ANKS1B: variants seen among roughly 807,000 people sequenced by gnomAD.
ANKS1B encodes the protein ankyrin repeat and sterile alpha motif domain-containing protein 1B.
ANKS1B carries 36 observed loss-of-function variants against 148.3 expected under a neutral mutation model. The observed-to-expected ratio is 0.24, with a 90% CI of 0.19 to 0.32. The LOEUF (loss-of-function observed/expected upper bound fraction) is 0.32. Among genes scored for constraint, ANKS1B ranks in the 10% least tolerant of loss-of-function variants. The pLI, the probability that ANKS1B is intolerant of heterozygous loss-of-function variation, is 1.00. For missense variants in ANKS1B, 1,157 were observed against 1,542.6 expected (o/e 0.75, Z 4.19); for synonymous variants, 542 against 560.8 (o/e 0.97, Z 0.47).
At chr12:99,931,197 C>T (rs7132513) in intron 1 of ANKS1B, among the ~76,000 whole-genome samples, 32,644 of 151,504 alleles carry the variant, frequency 0.22, 3,769 homozygotes, top group African/African-American at 0.25. Context: ...GTTGTGGGGT[C>T]GGGGGAGAGG....
At chr12:99,795,671 C>CT (rs1254341356) in intron 4 of ANKS1B, among the ~76,000 whole-genome samples, 1 of 151,980 alleles carries the variant, frequency 6.6e-6, no homozygotes, top group African/African-American at 2.4e-5. Context: ...ATGATGCACA[C>CT]TGTAGACACG....
intron 17 of ANKS1B, among the ~76,000 whole-genome samples, chr12:98,941,344 C>T (rs1304604485): frequency 6.6e-6 from 1 of 152,170 alleles, no homozygotes. Context: ...TTTTAAACCA[C>T]AAGACCACTA....
At chr12:99,181,668 G>A (rs1158424262) in intron 14 of ANKS1B, among the ~76,000 whole-genome samples, 3 of 151,468 alleles carry the variant, frequency 2.0e-5, no homozygotes, top group African/African-American at 4.8e-5. Context: ...ATTTTTTTGT[G>A]GGTACATAAT....
At chr12:99,111,843 G>A (rs1302563029) in intron 15 of ANKS1B, among the ~76,000 whole-genome samples, 1 of 151,956 alleles carries the variant, frequency 6.6e-6, no homozygotes, top group East Asian at 1.9e-4. Context: ...GATCTCATAT[G>A]CCTTGTGTCA....
intron 9 of ANKS1B, among the ~76,000 whole-genome samples, chr12:99,643,468 C>A (rs2098330035): frequency 1.3e-5 from 2 of 152,270 alleles, no homozygotes; most frequent in African/African-American, 4.8e-5. Flanking sequence ...TGCAACTGGG[C>A]AAACTCCATT....
intron 12 of ANKS1B, among the ~76,000 whole-genome samples, chr12:99,364,196 T>G (rs1410780334): frequency 1.3e-5 from 2 of 152,174 alleles, no homozygotes; most frequent in Admixed American, 1.3e-4. Flanking sequence ...AAAGATGTAC[T>G]GCAAATTCAT....
chr12:99,328,372 C>T (rs2086882852), intron 12 of ANKS1B, among the ~76,000 whole-genome samples: 1 of 151,904 alleles, frequency 6.6e-6, no homozygotes, highest in Admixed American at 6.6e-5. Flanking sequence ...ATATTCAGTG[C>T]ATGCATGTGA....
At chr12:99,518,444 T>C (rs1655146613) in intron 9 of ANKS1B, among the ~76,000 whole-genome samples, 1 of 152,098 alleles carries the variant, frequency 6.6e-6, no homozygotes, top group African/African-American at 2.4e-5. Flanking sequence ...TTTTGATAGG[T>C]TGTCTGTGTC....
intron 10 of ANKS1B, among the ~76,000 whole-genome samples, chr12:99,493,736 T>C (rs746553778): frequency 3.9e-5 from 6 of 152,106 alleles, no homozygotes; most frequent in Non-Finnish European, 4.4e-5. Context: ...GGGAAAGATG[T>C]GGGAGTTTAG....
intron 17 of ANKS1B, among the ~76,000 whole-genome samples, chr12:98,993,549 T>C (rs1319885668): frequency 1.3e-5 from 2 of 151,680 alleles, no homozygotes; most frequent in African/African-American, 2.4e-5. Context: ...ATTTCGTATA[T>C]TTATCAGCCA....
At chr12:98,837,344 A>G (rs2099376833) in intron 17 of ANKS1B, among the ~76,000 whole-genome samples, 1 of 151,818 alleles carries the variant, frequency 6.6e-6, no homozygotes. Flanking sequence ...CTCAGAAAAA[A>G]AAAAAAAAGA....
chr12:99,904,124 T>C (rs2093696008), intron 1 of ANKS1B, among the ~76,000 whole-genome samples: 1 of 152,138 alleles, frequency 6.6e-6, no homozygotes, highest in Non-Finnish European at 1.5e-5. Context: ...GTGTCTCTTA[T>C]CCCGAGAGTC....
At chr12:99,824,606 C>G (rs1223097123) in intron 2 of ANKS1B, among the ~76,000 whole-genome samples, 1 of 151,878 alleles carries the variant, frequency 6.6e-6, no homozygotes, top group Non-Finnish European at 1.5e-5. Flanking sequence ...GGAAGAGGGT[C>G]ATTTTTTTTC....
At chr12:99,978,968 C>T (rs955965658) in intron 1 of ANKS1B, among the ~76,000 whole-genome samples, 1 of 152,024 alleles carries the variant, frequency 6.6e-6, no homozygotes, top group African/African-American at 2.4e-5. Context: ...TATTAAAATA[C>T]AAATAATTCT....
chr12:99,021,921 T>G (rs2099946043), intron 17 of ANKS1B, among the ~76,000 whole-genome samples: 1 of 152,192 alleles, frequency 6.6e-6, no homozygotes, highest in African/African-American at 2.4e-5. Flanking sequence ...GTGGAGCATC[T>G]TTTTATATGT....
chr12:99,134,003 A>C (rs1433460869), intron 15 of ANKS1B, among the ~76,000 whole-genome samples: 1 of 152,200 alleles, frequency 6.6e-6, no homozygotes, highest in Non-Finnish European at 1.5e-5. Flanking sequence ...CGTAAGTTTC[A>C]GGGCTGGAAT....
intron 9 of ANKS1B, among the ~76,000 whole-genome samples, chr12:99,552,592 T>C (rs2097232080): frequency 1.3e-5 from 2 of 150,692 alleles, no homozygotes; most frequent in African/African-American, 4.9e-5. Context: ...ACACATTTTA[T>C]CTTTCTAAAG....
chr12:99,339,776 C>T (rs2152323600), intron 12 of ANKS1B, among the ~76,000 whole-genome samples: 1 of 152,186 alleles, frequency 6.6e-6, no homozygotes, highest in South Asian at 2.1e-4. Context: ...TCTGCCTTGC[C>T]CCTGACCTTG....
At chr12:99,098,137 C>T (rs1017299848) in intron 15 of ANKS1B, among the ~76,000 whole-genome samples, 2 of 152,134 alleles carry the variant, frequency 1.3e-5, no homozygotes, top group African/African-American at 4.8e-5. Flanking sequence ...TATTATCATC[C>T]CCATTTTACA....
Sources: allele counts gnomAD v4.1 joint callset (sites outside exome capture counted in the v4.1 genomes callset), GRCh38; gene constraint gnomAD v4.1.1; transcripts MANE v1.5; gene names NCBI Gene and HGNC (gene_info 2026-07-23, HGNC 2026-07-21).